The following COX7B2 variants were observed in gnomAD, a reference collection of about 807,000 sequenced individuals.
COX7B2 encodes the protein cytochrome c oxidase subunit 7B2.
For synonymous variants in COX7B2, 37 were observed against 32.1 expected (o/e 1.15, Z -0.51); for missense variants, 109 against 95.9 (o/e 1.14, Z -0.57).
At chr4:46,884,283 T>TA (rs1718932284) in intron 1 of COX7B2, among the ~76,000 whole-genome samples, 1 of 152,128 alleles carries the variant, frequency 6.6e-6, no homozygotes, top group African/African-American at 2.4e-5. Context: ...CTGGAACTCC[T>TA]AGGCTCATAG....
intron 2 of COX7B2, among the ~76,000 whole-genome samples, chr4:46,800,108 G>A (rs1156906526): frequency 6.6e-6 from 1 of 152,030 alleles, no homozygotes; most frequent in Non-Finnish European, 1.5e-5. Flanking sequence ...ATAAAATACT[G>A]TGGAAAAAAA....
chr4:46,814,186 C>T (rs1421122178), intron 2 of COX7B2, among the ~76,000 whole-genome samples: 5 of 152,110 alleles, frequency 3.3e-5, no homozygotes, highest in Non-Finnish European at 5.9e-5. Flanking sequence ...GAAAGGAAAT[C>T]GGTATATTAA....
At chr4:46,777,536 G>C (rs1173079939) in intron 2 of COX7B2, among the ~76,000 whole-genome samples, 2 of 152,064 alleles carry the variant, frequency 1.3e-5, no homozygotes, top group African/African-American at 4.8e-5. Flanking sequence ...GGAACTGTTA[G>C]GATAAGTCCT....
At position 46,781,547 on chromosome 4, in the gene COX7B2, C is replaced by CCTCCTTGGCCTCAGTGT. The variant is rs1454354113; in HGVS notation, c.-49-46323_-49-46307dup. On this transcript the variant is annotated intron_variant, in intron 2 of 2. Transcript: ENST00000355591. ...TAGCAGCCCTCGCTTGCTCTCAGCGCCTCCTTGGCCTCAGTGTCCACTCTG... is the reference window on the plus strand; with the variant it reads ...TAGCAGCCCTCGCTTGCTCTCAGCGCCTCCTTGGCCTCAGTGTCTCCTTGGCCTCAGTGTCCACTCTG... Among the ~76,000 whole-genome samples the CCTCCTTGGCCTCAGTGT allele has an allele frequency of 2.6e-5, 4 of 152,240 alleles. No homozygotes were observed. In the South Asian group the frequency reaches 8.3e-4, roughly 31 times the overall value.
At chr4:46,819,183 A>G (rs35946482) in intron 2 of COX7B2, among the ~76,000 whole-genome samples, 2,565 of 152,258 alleles carry the variant, frequency 0.017, 28 homozygotes, top group Non-Finnish European at 0.027. Context: ...TTCTCATGCA[A>G]AAAAATCTAT....
intron 1 of COX7B2, among the ~76,000 whole-genome samples, chr4:46,865,062 T>TG (rs1717582184): frequency 6.6e-6 from 1 of 152,164 alleles, no homozygotes; most frequent in Non-Finnish European, 1.5e-5. Flanking sequence ...ATCACCTGAG[T>TG]AGTATACAGT....
chr4:46,845,588 A>G (rs1032352113), intron 1 of COX7B2, among the ~76,000 whole-genome samples: 2 of 152,024 alleles, frequency 1.3e-5, no homozygotes, highest in Non-Finnish European at 2.9e-5. Flanking sequence ...ACTTTAGAGT[A>G]TATGTGCATA....
At chr4:46,893,421 C>G (rs541885468) in intron 1 of COX7B2, among the ~76,000 whole-genome samples, 7 of 152,200 alleles carry the variant, frequency 4.6e-5, no homozygotes, top group Non-Finnish European at 1.0e-4. Flanking sequence ...TCCATTTGCA[C>G]TAGCCTGTGA....
intron 2 of COX7B2, among the ~76,000 whole-genome samples, chr4:46,832,277 A>G (rs546354930): frequency 4.1e-4 from 62 of 152,236 alleles, no homozygotes; most frequent in African/African-American, 1.5e-3. Flanking sequence ...AACCCACCAG[A>G]AGGAAGAAAC....
intron 1 of COX7B2, among the ~76,000 whole-genome samples, chr4:46,895,597 A>G (rs1002364295): frequency 2.0e-5 from 3 of 152,194 alleles, no homozygotes; most frequent in African/African-American, 7.2e-5. Flanking sequence ...GCATGACGCT[A>G]GTTTACCTAT....
intron 2 of COX7B2, among the ~76,000 whole-genome samples, chr4:46,773,861 G>C (rs1299945453): frequency 6.6e-6 from 1 of 152,100 alleles, no homozygotes; most frequent in Non-Finnish European, 1.5e-5. Context: ...TTATCTAGAG[G>C]TATGTTTTAG....
chr4:46,891,936 T>C (rs1355207560), intron 1 of COX7B2, among the ~76,000 whole-genome samples: 2 of 152,216 alleles, frequency 1.3e-5, no homozygotes, highest in Non-Finnish European at 2.9e-5. Flanking sequence ...AACACATATC[T>C]TATGTATTCA....
At position 46,898,146 on chromosome 4, in the gene COX7B2, T is replaced by G. The variant is rs899643017; in HGVS notation, c.-105+11014A>C. Reference sequence around the variant, plus strand: ...TCAATGTCTAAAGGGATTTTTCTCCTGGATATAGTCATTGGCCATATCTAA... The same window carrying G: ...TCAATGTCTAAAGGGATTTTTCTCCGGGATATAGTCATTGGCCATATCTAA... On this transcript the variant is annotated intron_variant, in intron 1 of 2. Coordinates refer to ENST00000355591, the MANE Select transcript of COX7B2 (RefSeq NM_130902.3). 8.3e-4 allele frequency among the ~76,000 whole-genome samples: 126 copies of G among 152,304 alleles called. 2 individuals are homozygous for G. The highest frequency in any genetic ancestry group is 2.9e-3 in the African/African-American group (121 of 41,580).
intron 1 of COX7B2, among the ~76,000 whole-genome samples, chr4:46,854,055 A>G (rs1342249451): frequency 6.6e-6 from 1 of 152,184 alleles, no homozygotes. Flanking sequence ...TATGTTGAGT[A>G]GAATATAGAG....
intron 2 of COX7B2, among the ~76,000 whole-genome samples, chr4:46,762,136 T>C (rs1442126900): frequency 1.9e-5 from 2 of 105,740 alleles, no homozygotes; most frequent in Admixed American, 1.1e-4. Flanking sequence ...GTTTCATATG[T>C]ATATGAAGAT....
chr4:46,790,171 A>C (rs1190319661), intron 2 of COX7B2, among the ~76,000 whole-genome samples: 3 of 152,218 alleles, frequency 2.0e-5, no homozygotes, highest in South Asian at 4.1e-4. Flanking sequence ...TGAAGCAGGA[A>C]CAGAACGAGC....
intron 2 of COX7B2, among the ~76,000 whole-genome samples, chr4:46,762,659 C>T (rs1006800475): frequency 2.0e-5 from 3 of 148,848 alleles, no homozygotes; most frequent in African/African-American, 7.4e-5. Flanking sequence ...TTGTCCATGA[C>T]CAATGTATAT....
chr4:46,855,576 A>G (rs1156268203), intron 1 of COX7B2, among the ~76,000 whole-genome samples: 3 of 152,090 alleles, frequency 2.0e-5, no homozygotes, highest in Non-Finnish European at 4.4e-5. Flanking sequence ...ATATTAATCT[A>G]TGGTAAACTA....
chr4:46,741,490 T>C (rs1436055684), intron 2 of COX7B2, among the ~76,000 whole-genome samples: 1 of 152,032 alleles, frequency 6.6e-6, no homozygotes, highest in Non-Finnish European at 1.5e-5. Context: ...CTGCTGTATA[T>C]ACAGAAAGGT....
Sources: gnomAD v4.1 joint callset for allele counts (sites outside exome capture counted in the v4.1 genomes callset) on GRCh38, gnomAD v4.1.1 for gene constraint, MANE v1.5 for transcripts, NCBI Gene and HGNC (gene_info 2026-07-23, HGNC 2026-07-21) for gene names.